The following EFCAB7 variants were observed in gnomAD, a reference collection of about 807,000 sequenced individuals.
The protein encoded by EFCAB7 is EF-hand calcium binding domain 7, also known as EF-hand calcium-binding domain-containing protein 7.
In EFCAB7, 66 loss-of-function variants were observed where a neutral mutation model predicts 77.1. That is an observed-to-expected ratio of 0.86 (90% confidence interval 0.70 to 1.05). The LOEUF is 1.05. EFCAB7 is among the 50% of genes least tolerant of loss of function. The pLI is 0.00. For synonymous variants in EFCAB7, 225 were observed against 243.3 expected (o/e 0.92, Z 0.70); for missense variants, 638 against 730.5 (o/e 0.87, Z 1.46).
intron 6 of EFCAB7, among the ~76,000 whole-genome samples, chr1:63,540,429 T>C (rs1400555953): frequency 2.0e-5 from 3 of 151,556 alleles, no homozygotes; most frequent in Non-Finnish European, 4.4e-5. Context: ...TTGAACCTCA[T>C]TGTATCACAG....
At chr1:63,525,218 T>C (rs1646565871) in intron 1 of EFCAB7, among the ~76,000 whole-genome samples, 1 of 152,180 alleles carries the variant, frequency 6.6e-6, no homozygotes, top group South Asian at 2.1e-4. Flanking sequence ...TTTGAGAGAA[T>C]AGATGTGTGC....
intron 6 of EFCAB7, among the ~76,000 whole-genome samples, chr1:63,535,764 G>C (rs755885237): frequency 6.6e-6 from 1 of 151,944 alleles, no homozygotes; most frequent in African/African-American, 2.4e-5. Flanking sequence ...TATATACAAA[G>C]GACATTAATA....
At chr1:63,553,011 G>A (rs960075883) in intron 8 of EFCAB7, among the ~76,000 whole-genome samples, 1 of 152,112 alleles carries the variant, frequency 6.6e-6, no homozygotes, top group Non-Finnish European at 1.5e-5. Flanking sequence ...TTAGTATATA[G>A]CAAAATTATA....
the EFCAB7 span, among the ~76,000 whole-genome samples, chr1:63,581,671 A>G: frequency 1.3e-5 from 2 of 152,180 alleles, no homozygotes; most frequent in African/African-American, 4.8e-5. Flanking sequence ...GGGTCCACTT[A>G]TATGTGGATT....
chr1:63,536,829 TG>T (rs1355451307), intron 6 of EFCAB7: 1 of 152,234 alleles, frequency 6.6e-6, no homozygotes, highest in African/African-American at 2.4e-5. Flanking sequence ...ATAACCATTC[TG>T]AAAAGTACTT....
chr1:63,557,234 G>A lies in EFCAB7; in HGVS notation c.1335G>A (p.Trp445Ter). ...TSGEKCDEDAWAVCRENFDTK... is the reference protein window; with the variant it reads ...TSGEKCDEDA ...GTGAGAAATGTGATGAAGATGCTTG[G>A]GCTGTCTGCAGAGGTAAGCACTTTT... Residue 445 changes from tryptophan (W) to a stop codon, truncating the protein, a stop_gained, in exon 10 of 14, where the codon TGG becomes TGA. Coordinates refer to ENST00000371088, the MANE Select transcript of EFCAB7 (RefSeq NM_032437.4). LOFTEE classifies it high-confidence loss of function. 6.2e-7 allele frequency: 1 copy of A among 1,607,538 alleles called. No homozygotes were observed. The highest frequency in any genetic ancestry group is 1.7e-5 in the Admixed American group (1 of 58,152).
intron 6 of EFCAB7, among the ~76,000 whole-genome samples, chr1:63,543,170 C>T (rs1270308705): frequency 6.6e-6 from 1 of 152,150 alleles, no homozygotes; most frequent in African/African-American, 2.4e-5. Flanking sequence ...ATTCAGTTTT[C>T]CCAGCCTCAT....
chr1:63,533,569 CTGAA>C lies in EFCAB7; in HGVS notation c.603_606del (p.Glu202GlyfsTer23). On this transcript the variant is annotated frameshift_variant, in exon 5 of 14. Coordinates refer to ENST00000371088, the MANE Select transcript of EFCAB7 (RefSeq NM_032437.4). LOFTEE classifies it high-confidence loss of function. ...TTTGGAAACCACATCGAAGGGTCCC[CTGAA>C]AGGGACCCATCACCAGTACCAAAAC... 1 of 1,611,748 alleles carries C rather than the reference CTGAA, an allele frequency of 6.2e-7. No individual in the cohort carries two copies. Among genetic ancestry groups the C allele is most frequent in the Non-Finnish European group, 8.5e-7 (1 of 1,178,712 alleles).
chr1:63,573,382 T>C (rs1339145982), downstream of EFCAB7, among the ~76,000 whole-genome samples: 1 of 152,078 alleles, frequency 6.6e-6, no homozygotes, highest in Non-Finnish European at 1.5e-5. Context: ...ATTGAAAAAC[T>C]AAACGGAATA....
intron 10 of EFCAB7, among the ~76,000 whole-genome samples, chr1:63,557,972 G>C (rs1647051447): frequency 6.6e-6 from 1 of 152,150 alleles, no homozygotes; most frequent in African/African-American, 2.4e-5. Context: ...GTCTTAAAAT[G>C]GTCTAAGCTT....
chr1:63,545,858 A>T, intron 6 of EFCAB7, 58 bp from the exon 7 acceptor site: 1 of 1,422,022 alleles, frequency 7.0e-7, no homozygotes, highest in Non-Finnish European at 9.9e-7. Flanking sequence ...CCTCATTACT[A>T]TGCATACTGG....
intron 6 of EFCAB7, chr1:63,534,419 T>C: frequency 5.1e-6 from 2 of 391,928 alleles, no homozygotes; most frequent in Non-Finnish European, 4.5e-6. Flanking sequence ...AGTTTGAAAA[T>C]GGTAACACTC....
downstream of EFCAB7, among the ~76,000 whole-genome samples, chr1:63,574,099 T>C (rs1231710750): frequency 1.3e-5 from 2 of 152,164 alleles, no homozygotes. Context: ...GGTATTTTAG[T>C]TTCCTGACTG....
chr1:63,533,381 T>C, intron 4 of EFCAB7, 73 bp from the exon 5 acceptor site: 2 of 1,079,886 alleles, frequency 1.9e-6, no homozygotes, highest in African/African-American at 1.6e-5. Context: ...TGCCTACTAA[T>C]GTGCATTTGC....
At chr1:63,534,416 A>C (rs1323532563) in intron 6 of EFCAB7, 200 bp downstream of exon 6, 1 of 396,170 alleles carries the variant, frequency 2.5e-6, no homozygotes, top group African/African-American at 2.0e-5. Context: ...TTCAGTTTGA[A>C]AATGGTAACA....
intron 4 of EFCAB7, among the ~76,000 whole-genome samples, chr1:63,532,962 T>C (rs1646717159): frequency 6.6e-6 from 1 of 152,140 alleles, no homozygotes; most frequent in Admixed American, 6.5e-5. Flanking sequence ...ATCTTTTTAA[T>C]ATTGGCAATG....
At chr1:63,556,193 A>C (rs77413413) in intron 9 of EFCAB7, among the ~76,000 whole-genome samples, 1 of 152,282 alleles carries the variant, frequency 6.6e-6, no homozygotes, top group African/African-American at 2.4e-5. Flanking sequence ...TCTGTTGACA[A>C]TATGGTGATT....
At chr1:63,557,708 C>T (rs1647048403) in intron 10 of EFCAB7, among the ~76,000 whole-genome samples, 1 of 152,096 alleles carries the variant, frequency 6.6e-6, no homozygotes, top group African/African-American at 2.4e-5. Context: ...TTTAAAAAGT[C>T]CATTTATGGA....
At chr1:63,585,168 C>A in the EFCAB7 span, among the ~76,000 whole-genome samples, 1 of 149,824 alleles carries the variant, frequency 6.7e-6, no homozygotes, top group African/African-American at 2.5e-5. Flanking sequence ...TTTTTTAATA[C>A]AAATTCAATT....
Sources: gnomAD v4.1 joint callset for allele counts (sites outside exome capture counted in the v4.1 genomes callset) on GRCh38, gnomAD v4.1.1 for gene constraint, MANE v1.5 for transcripts, NCBI Gene and HGNC (gene_info 2026-07-23, HGNC 2026-07-21) for gene names.